Variants in HDAC4 observed in about 807,000 individuals in gnomAD.
HDAC4 encodes the protein histone deacetylase 4.
A neutral mutation model predicts 135.1 loss-of-function variants in HDAC4; 16 were observed. That is an observed-to-expected ratio of 0.12 (90% CI 0.08 to 0.18). HDAC4 has a LOEUF of 0.18. Ranked by LOEUF, HDAC4 falls within the 10% of genes least tolerant of loss-of-function variation. The pLI is 1.00. For synonymous variants in HDAC4, 685 were observed against 653.4 expected, an observed-to-expected ratio of 1.05 and a Z score of -0.74; for missense variants, 1,143 against 1,511.8, an observed-to-expected ratio of 0.76 and a Z score of 4.05.
chr2:239,314,062 A>G (rs1481778976), intron 2 of HDAC4, among the ~76,000 whole-genome samples: 1 of 151,766 alleles, frequency 6.6e-6, no homozygotes, highest in African/African-American at 2.4e-5. Context: ...ATAATCCCAG[A>G]CCCCTCGCAA....
intron 1 of HDAC4, among the ~76,000 whole-genome samples, chr2:239,359,805 C>T (rs1022490142): frequency 2.0e-5 from 3 of 152,106 alleles, no homozygotes; most frequent in Non-Finnish European, 4.4e-5. Flanking sequence ...AATCTGTAGA[C>T]GAGTGGATCT....
At chr2:239,180,926 C>A (rs1312626369) in intron 4 of HDAC4, among the ~76,000 whole-genome samples, 1 of 152,240 alleles carries the variant, frequency 6.6e-6, no homozygotes, top group Admixed American at 6.5e-5. Context: ...CAGCCTGCAG[C>A]CCACAGCCAG....
intron 6 of HDAC4, among the ~76,000 whole-genome samples, chr2:239,158,894 C>T (rs371146404): frequency 7.2e-5 from 11 of 152,042 alleles, no homozygotes; most frequent in Admixed American, 1.3e-4. Context: ...CAATCACACC[C>T]GCACCGCACA....
rs142310057 is a variant in HDAC4, at chr2:239,388,732, G to C, written c.-220+12246C>G. ...CTGCCACACAGGCTCCTCCCTTCCT[G>C]GCCCCCACTCCCCACTCTAAGGGCC... On this transcript the variant is annotated intron_variant, in intron 1 of 26. Coordinates refer to ENST00000543185, the MANE Select transcript of HDAC4 (RefSeq NM_001378414.1). Among the ~76,000 whole-genome samples, 421 of 152,304 alleles carry C rather than the reference G, an allele frequency of 2.8e-3. 2 individuals carry two copies. Among genetic ancestry groups the C allele is most frequent in the African/African-American group, 9.6e-3 (399 of 41,562 alleles).
chr2:239,130,268 C>T (rs767835860), intron 11 of HDAC4, among the ~76,000 whole-genome samples: 5 of 152,198 alleles, frequency 3.3e-5, no homozygotes, highest in Admixed American at 2.6e-4. Context: ...CACAGCCTCG[C>T]GTGCCAATTA....
intron 3 of HDAC4, among the ~76,000 whole-genome samples, chr2:239,211,506 A>C (rs1467853496): frequency 6.6e-6 from 1 of 152,232 alleles, no homozygotes; most frequent in Admixed American, 6.5e-5. Context: ...TCTTGAGATA[A>C]AAGAAACATC....
At chr2:239,163,620 C>T (rs1473702224) in intron 6 of HDAC4, among the ~76,000 whole-genome samples, 183 bp downstream of exon 6, 1 of 152,106 alleles carries the variant, frequency 6.6e-6, no homozygotes, top group African/African-American at 2.4e-5. Context: ...GGACGGCTGC[C>T]GCACGAGTGT....
Position 239,240,727 on chromosome 2 carries a change from C to T in HDAC4, c.23-4063G>A, listed in dbSNP as rs181263305. ...GGAGCACGGGTACCTCGTGTCCTCACCAGCACATGATGTGCCCCAGTGTGC... is the reference window on the plus strand; with the variant it reads ...GGAGCACGGGTACCTCGTGTCCTCATCAGCACATGATGTGCCCCAGTGTGC... On this transcript the variant is annotated intron_variant, in intron 2 of 26. Transcript: ENST00000543185. This position sits in a 1 kb window ranked among gnomAD's most constrained non-coding sequence, Gnocchi z 4.5. 1.3e-5 allele frequency among the ~76,000 whole-genome samples: 2 copies of T among 152,324 alleles called. No homozygotes were observed. The highest frequency in any genetic ancestry group is 3.9e-4 in the East Asian group (2 of 5,178).
In HDAC4 at chr2:239,313,118, G is replaced by A. The variant is rs1021415654; in HGVS notation, c.22+39560C>T. 2.0e-4 allele frequency among the ~76,000 whole-genome samples: 30 copies of A among 152,196 alleles called. No individual in the cohort carries two copies. The highest frequency in any genetic ancestry group is 7.2e-4 in the African/African-American group (30 of 41,438). On this transcript the variant is annotated intron_variant, in intron 2 of 26. Coordinates refer to ENST00000543185, the MANE Select transcript of HDAC4 (RefSeq NM_001378414.1). The surrounding 1 kb of genome is among the most constrained non-coding windows in gnomAD (Gnocchi z 5.1). ...TGGGCTCTGTCCCGTGCCTCCCCGG[G>A]GGCGTTCCGAGGTGGCGGAGGAGGA... is the stretch of plus-strand genomic sequence containing the variant.
intron 1 of HDAC4, among the ~76,000 whole-genome samples, chr2:239,382,506 G>A (rs530377283): frequency 6.6e-6 from 1 of 152,302 alleles, no homozygotes; most frequent in East Asian, 1.9e-4. Context: ...TTCTGATCAT[G>A]TAATGGGTAG....
rs111566111 is a variant in HDAC4, at chr2:239,333,522, G to A, written c.22+19156C>T. Among the ~76,000 whole-genome samples, 773 of 152,108 alleles carry A rather than the reference G, an allele frequency of 5.1e-3. 7 individuals carry two copies. Among genetic ancestry groups the A allele is most frequent in the African/African-American group, 0.018 (743 of 41,512 alleles). On this transcript the variant is annotated intron_variant, in intron 2 of 26. Coordinates refer to ENST00000543185, the MANE Select transcript of HDAC4 (RefSeq NM_001378414.1). ...AAAAATTAAACTGACTATAAGCAAT[G>A]TAAATTCAACAGTATATAAAAAGAA...
chr2:239,288,754 C>A (rs1345153102), intron 2 of HDAC4, among the ~76,000 whole-genome samples: 2 of 151,882 alleles, frequency 1.3e-5, no homozygotes, highest in East Asian at 3.9e-4. Context: ...ACGTACAAGA[C>A]CTTTATAGAG....
intron 5 of HDAC4, among the ~76,000 whole-genome samples, chr2:239,168,715 G>A (rs1305794705): frequency 6.6e-6 from 1 of 152,224 alleles, no homozygotes; most frequent in Admixed American, 6.5e-5. Context: ...CGCCGGCTTG[G>A]GCCCCGCTTA....
In HDAC4 at chr2:239,141,966, G is replaced by A. The variant is rs186031483; in HGVS notation, c.866-2170C>T. On this transcript the variant is annotated intron_variant, in intron 8 of 26. Coordinates refer to ENST00000543185, the MANE Select transcript of HDAC4 (RefSeq NM_001378414.1). The surrounding 1 kb of genome is among the most constrained non-coding windows in gnomAD (Gnocchi z 4.9). ...ACCATTGGAGGTGCTCAAAAGGCGT[G>A]TGGCTGAAATTGAGTGGAGAGGGAT... Among the ~76,000 whole-genome samples, 20 of 152,318 alleles carry A rather than the reference G, an allele frequency of 1.3e-4. No homozygotes were observed. The highest frequency in any genetic ancestry group is 4.8e-4 in the African/African-American group (20 of 41,558).
At chr2:239,230,869 C>T (rs187742130) in intron 3 of HDAC4, among the ~76,000 whole-genome samples, 5 of 152,284 alleles carry the variant, frequency 3.3e-5, no homozygotes, top group Admixed American at 6.5e-5. Context: ...TCTCACCAAA[C>T]GAAACAATGC....
In HDAC4 at chr2:239,349,835, TG is replaced by T. The variant is rs983025352; in HGVS notation, c.22+2842del. ...ACCTCAGCTGTACCCCCTGCACAGATGGAGAGCAGAGAATGGGCTGGGCCAA... is the reference window on the plus strand; with the variant it reads ...ACCTCAGCTGTACCCCCTGCACAGATGAGAGCAGAGAATGGGCTGGGCCAA... On this transcript the variant is annotated intron_variant, in intron 2 of 26. Coordinates refer to ENST00000543185, the MANE Select transcript of HDAC4 (RefSeq NM_001378414.1). The surrounding 1 kb of genome is among the most constrained non-coding windows in gnomAD (Gnocchi z 5.7). 9.9e-5 allele frequency among the ~76,000 whole-genome samples: 15 copies of T among 152,222 alleles called. No homozygotes were observed. The highest frequency in any genetic ancestry group is 1.5e-4 in the Non-Finnish European group (10 of 68,030).
rs911111002 is a variant in HDAC4, at chr2:239,049,753, G to C, written c.*3344C>G. ...AGTGGCCCTCCAGAACCAGAGCCCT[G>C]GGACGCTGGGGAGGGGCGGCCAGTC... On this transcript the variant is annotated 3_prime_UTR_variant, in exon 27 of 27. Coordinates refer to ENST00000543185, the MANE Select transcript of HDAC4 (RefSeq NM_001378414.1). The C allele has an allele frequency of 6.6e-6, 1 of 152,284 alleles. No individual in the cohort carries two copies. Among genetic ancestry groups the C allele is most frequent in the Non-Finnish European group, 1.5e-5 (1 of 68,040 alleles). The allele number at this position is 152,284 out of a possible 1,614,324, so 9.4% of individuals were successfully genotyped here.
chr2:239,332,312 T>G (rs1037830123), intron 2 of HDAC4, among the ~76,000 whole-genome samples: 2 of 152,300 alleles, frequency 1.3e-5, no homozygotes, highest in South Asian at 4.1e-4. Context: ...CAAGTATACA[T>G]AAAATGTTGA....
At chr2:239,134,766 T>C (rs575409286) in intron 9 of HDAC4, 123 bp from the exon 10 acceptor site, 14 of 763,364 alleles carry the variant, frequency 1.8e-5, no homozygotes, top group South Asian at 1.7e-4. Flanking sequence ...TAAACGTACA[T>C]GTAACAAATG....
Sources: allele counts gnomAD v4.1 joint callset (sites outside exome capture counted in the v4.1 genomes callset), GRCh38; gene constraint gnomAD v4.1.1; non-coding constraint Gnocchi (gnomAD v3.1); transcripts MANE v1.5; gene names NCBI Gene and HGNC (gene_info 2026-07-23, HGNC 2026-07-21).